Variants in CDH22 observed in about 807,000 individuals in gnomAD.
CDH22 encodes the protein cadherin-22.
In CDH22, 30 loss-of-function variants were observed where a neutral mutation model predicts 58.4. That is an observed-to-expected ratio of 0.51 (90% CI 0.38 to 0.70). The LOEUF (loss-of-function observed/expected upper bound fraction) is 0.70. CDH22 is among the 30% of genes least tolerant of loss of function. CDH22 has a pLI of 0.00. For synonymous variants in CDH22, 513 were observed against 558.2 expected, an observed-to-expected ratio of 0.92 and a Z score of 1.14; for missense variants, 1,014 against 1,233.9, an observed-to-expected ratio of 0.82 and a Z score of 2.67.
At chr20:46,302,012 C>T (rs1265663138) in intron 1 of CDH22, among the ~76,000 whole-genome samples, 3 of 152,210 alleles carry the variant, frequency 2.0e-5, no homozygotes, top group Non-Finnish European at 2.9e-5. Context: ...TGGTCCAGCT[C>T]TCTGGGGAGG....
intron 11 of CDH22, among the ~76,000 whole-genome samples, chr20:46,175,856 G>A (rs2085734654): frequency 6.6e-6 from 1 of 152,204 alleles, no homozygotes; most frequent in African/African-American, 2.4e-5. Flanking sequence ...AGACCCTGCT[G>A]TGTTACCAGG....
intron 8 of CDH22, among the ~76,000 whole-genome samples, chr20:46,191,318 G>A (rs2085860596): frequency 6.6e-6 from 1 of 152,152 alleles, no homozygotes; most frequent in Non-Finnish European, 1.5e-5. Flanking sequence ...CCCTGGGGTG[G>A]GAGGGGAGGA....
intron 1 of CDH22, among the ~76,000 whole-genome samples, chr20:46,258,895 C>T (rs1007278521): frequency 6.6e-6 from 1 of 152,190 alleles, no homozygotes; most frequent in Admixed American, 6.5e-5. Context: ...GAGGGGAGGT[C>T]CAGGAGATCC....
chr20:46,248,792 G>A (rs1344147805), intron 2 of CDH22, among the ~76,000 whole-genome samples: 1 of 152,084 alleles, frequency 6.6e-6, no homozygotes, highest in Non-Finnish European at 1.5e-5. Context: ...GCCTGGGTGG[G>A]CAACAGAGCA....
intron 1 of CDH22, among the ~76,000 whole-genome samples, chr20:46,298,061 T>TCC (rs746257069): frequency 6.6e-6 from 1 of 152,024 alleles, no homozygotes; most frequent in Admixed American, 6.6e-5. Context: ...ATAGATGATA[T>TCC]CCCCCTACAG....
intron 3 of CDH22, among the ~76,000 whole-genome samples, chr20:46,228,347 A>C (rs1478217564): frequency 3.9e-5 from 6 of 152,066 alleles, no homozygotes; most frequent in African/African-American, 1.2e-4. Context: ...CCCCAGACAC[A>C]CACACTTCTC....
intron 1 of CDH22, among the ~76,000 whole-genome samples, chr20:46,305,871 G>A (rs915039702): frequency 3.9e-5 from 6 of 152,352 alleles, no homozygotes; most frequent in East Asian, 1.9e-4. Flanking sequence ...AGAATGCAGC[G>A]CTCCTGCAAA....
intron 2 of CDH22, among the ~76,000 whole-genome samples, chr20:46,243,803 G>A (rs1661513861): frequency 6.6e-6 from 1 of 152,188 alleles, no homozygotes; most frequent in Non-Finnish European, 1.5e-5. Context: ...GATGCCATTT[G>A]AAGAGATGCT....
rs1461176203 is a variant in CDH22, at chr20:46,199,562, G to A, written c.1287-3C>T. ...CTGATTCGCGGTCAATGGCGTACCT[G>A]CGGGGGGCAGGGCAGGGCTGATTGA... On this transcript the variant is annotated splice_region_variant and splice_polypyrimidine_tract_variant and intron_variant, in intron 7 of 11. Transcript: ENST00000537909. The A allele has an allele frequency of 3.1e-6, 5 of 1,613,412 alleles. No homozygotes were observed. Among genetic ancestry groups the A allele is most frequent in the Admixed American group, 1.7e-5 (1 of 59,962 alleles).
chr20:46,232,317 A>G (rs1378421440), intron 3 of CDH22, among the ~76,000 whole-genome samples: 3 of 152,068 alleles, frequency 2.0e-5, no homozygotes, highest in Non-Finnish European at 4.4e-5. Context: ...ATACATTCTC[A>G]TTCCAGCCCT....
Position 46,241,133 on chromosome 20 carries a change from C to T in CDH22, c.380G>A (p.Arg127His). ...GDIHAMERLD[R>H]EQKTFYTLRA... ...CAGCGTGTAGAAGGTTTTCTGCTCG[C>T]GGTCCAGGCGCTCCATGGCATGAAT... is the stretch of plus-strand genomic sequence containing the variant. Residue 127 changes from arginine to histidine, a missense_variant, in exon 3 of 12, where the codon CGC becomes CAC. By Grantham distance (29) the Arg-to-His change is conservative. Coordinates refer to ENST00000537909, the MANE Select transcript of CDH22 (RefSeq NM_021248.3). The surrounding 1 kb of genome is among the most constrained non-coding windows in gnomAD (Gnocchi z 5.2). The T allele has an allele frequency of 1.2e-6, 2 of 1,614,102 alleles. No individual in the cohort carries two copies. Among genetic ancestry groups the T allele is most frequent in the South Asian group, 1.1e-5 (1 of 91,078 alleles).
intron 10 of CDH22, among the ~76,000 whole-genome samples, chr20:46,184,676 C>T (rs2085812131): frequency 6.6e-6 from 1 of 152,180 alleles, no homozygotes. Flanking sequence ...TCAATAAACA[C>T]TCACTAAATA....
Position 46,216,222 on chromosome 20 carries a change from C to T in CDH22, c.838+604G>A, listed in dbSNP as rs997342885. On this transcript the variant is annotated intron_variant, in intron 5 of 11. Transcript: ENST00000537909. This position sits in a 1 kb window ranked among gnomAD's most constrained non-coding sequence, Gnocchi z 5.3. ...CTGATAGGGAGCTGGGAGGCTGGGC[C>T]GGAGACATCCCCCAACCCCCGCTGT... Among the ~76,000 whole-genome samples, 2 of 152,146 alleles carry T rather than the reference C, an allele frequency of 1.3e-5. No individual in the cohort carries two copies. The highest frequency in any genetic ancestry group is 4.8e-5 in the African/African-American group (2 of 41,444).
intron 7 of CDH22, among the ~76,000 whole-genome samples, chr20:46,206,501 C>A (rs2086002953): frequency 6.6e-6 from 1 of 152,162 alleles, no homozygotes; most frequent in South Asian, 2.1e-4. Flanking sequence ...TCCCAGGATG[C>A]CACCTCATGT....
intron 3 of CDH22, among the ~76,000 whole-genome samples, chr20:46,228,890 G>A (rs935874458): frequency 9.2e-5 from 14 of 152,276 alleles, no homozygotes; most frequent in Admixed American, 6.5e-4. Flanking sequence ...AGCCCAGCCC[G>A]CCGCCCGCCT....
chr20:46,252,052 C>G (rs538465192), intron 1 of CDH22, among the ~76,000 whole-genome samples: 3 of 151,992 alleles, frequency 2.0e-5, no homozygotes, highest in Non-Finnish European at 4.4e-5. Flanking sequence ...CCCTGCCCAG[C>G]CCCCAGAAAT....
At chr20:46,226,279 TCTTCTTCTTCTTC>T (rs2086173405) in intron 4 of CDH22, among the ~76,000 whole-genome samples, 28 of 2,592 alleles carry the variant, frequency 0.011, 1 homozygote, top group African/African-American at 0.051. Flanking sequence ...TTCTTCTTCT[TCTTCTTCTTCTTC>T]TTTTTTTTTT....
At chr20:46,180,395 C>G (rs182741683) in intron 10 of CDH22, among the ~76,000 whole-genome samples, 48 of 152,276 alleles carry the variant, frequency 3.2e-4, no homozygotes, top group South Asian at 2.7e-3. Context: ...TTCGACAGTT[C>G]AAACTGGCTA....
chr20:46,227,684 C>T, intron 3 of CDH22, 57 bp from the exon 4 acceptor site: 1 of 1,550,546 alleles, frequency 6.4e-7, no homozygotes, highest in Non-Finnish European at 8.7e-7. Context: ...AGCTCGTTCC[C>T]CCACTTCGCC....
Sources: gnomAD v4.1 joint callset for allele counts (sites outside exome capture counted in the v4.1 genomes callset) on GRCh38, gnomAD v4.1.1 for gene constraint, Gnocchi (gnomAD v3.1) non-coding constraint, MANE v1.5 for transcripts, NCBI Gene and HGNC (gene_info 2026-07-23, HGNC 2026-07-21) for gene names.